The following CDC27 variants were observed in gnomAD, a reference collection of about 807,000 sequenced individuals.
CDC27 encodes cell division cycle protein 27 homolog.
CDC27 carries 27 observed loss-of-function variants against 109.7 expected under a neutral mutation model. The ratio of observed to expected loss-of-function variants is 0.25; its 90% CI spans 0.18 to 0.34. The LOEUF (loss-of-function observed/expected upper bound fraction) is 0.34, where lower values mean the gene tolerates loss of function less well. CDC27 is among the 10% of genes least tolerant of loss of function. The pLI is 1.00. For synonymous variants in CDC27, 266 were observed against 333.9 expected (o/e 0.80, Z 2.22); for missense variants, 579 against 960.2 (o/e 0.60, Z 5.25).
Position 47,141,967 on chromosome 17 carries a change from G to T in CDC27, c.1437C>A (p.Tyr479Ter), listed in dbSNP as rs2062807466. The T allele has an allele frequency of 6.2e-7, 1 of 1,607,512 alleles. No homozygotes were observed. The highest frequency in any genetic ancestry group is 1.1e-5 in the South Asian group (1 of 90,566). Reference protein sequence around the residue: ...MGKGYLALCSYNCKEAINILS... With the variant: ...MGKGYLALCS ...AAATATTTATAGCTTCTTTGCAGTT[G>T]TATGAACACAAAGCTAAATAACCTT... Residue 479 changes from tyrosine to a stop codon, truncating the protein, a stop_gained, in exon 12 of 19, where the codon TAC becomes TAA. Transcript: ENST00000066544. LOFTEE classifies it high-confidence loss of function.
At chr17:47,121,260 G>C (rs888022341) in intron 18 of CDC27, among the ~76,000 whole-genome samples, 4 of 151,626 alleles carry the variant, frequency 2.6e-5, no homozygotes, top group African/African-American at 9.7e-5. Flanking sequence ...TCTTCCTAAT[G>C]AGTTCCTTAT....
At chr17:47,182,718 T>C (rs993606503) in intron 1 of CDC27, among the ~76,000 whole-genome samples, 4 of 152,190 alleles carry the variant, frequency 2.6e-5, no homozygotes, top group African/African-American at 9.6e-5. Flanking sequence ...TTCCATTGTA[T>C]AAACATATCA....
chr17:47,164,097 T>C (rs570307676), intron 4 of CDC27, among the ~76,000 whole-genome samples: 1 of 152,288 alleles, frequency 6.6e-6, no homozygotes, highest in South Asian at 2.1e-4. Flanking sequence ...TTCTACTGTA[T>C]CTTTTCTTTG....
At chr17:47,173,637 C>G (rs1276129793) in intron 2 of CDC27, among the ~76,000 whole-genome samples, 2 of 152,200 alleles carry the variant, frequency 1.3e-5, no homozygotes, top group African/African-American at 2.4e-5. Context: ...TCCACTTTCA[C>G]TGCAATAAAA....
rs1211093000 is a variant in CDC27 at position 47,133,086 on chromosome 17, AAC to A, written c.1914-714_1914-713del. ...ATACACACACACACACACACACACA[AAC>A]ACACACACACAAATATACATATATA... On this transcript the variant is annotated intron_variant, in intron 14 of 18. Transcript: ENST00000066544. Among the ~76,000 whole-genome samples the A allele has an allele frequency of 3.4e-3, 105 of 30,624 alleles. 1 individual carries two copies. Among genetic ancestry groups the A allele is most frequent in the African/African-American group, 8.6e-3 (63 of 7,334 alleles). The allele number at this position is 30,624 out of a possible 152,430, so 20.1% of individuals were successfully genotyped here. A position where few individuals can be genotyped will look rare whatever the true frequency, so the allele number is the denominator to read the frequency against.
At chr17:47,176,745 G>A (rs1298265873) in intron 2 of CDC27, among the ~76,000 whole-genome samples, 1 of 152,118 alleles carries the variant, frequency 6.6e-6, no homozygotes, top group Non-Finnish European at 1.5e-5. Context: ...TGGTATCTTA[G>A]GTTAGATTTG....
At chr17:47,159,919 T>C (rs1598519242) in intron 4 of CDC27, 1 of 388,348 alleles carries the variant, frequency 2.6e-6, no homozygotes, top group Non-Finnish European at 5.0e-6. Flanking sequence ...TGGCCTTGCC[T>C]CCACGAGCTC....
chr17:47,172,676 TATCTATCA>T (rs1265578424), intron 2 of CDC27, among the ~76,000 whole-genome samples: 1 of 152,186 alleles, frequency 6.6e-6, no homozygotes, highest in African/African-American at 2.4e-5. Context: ...AGAGCTGAGT[TATCTATCA>T]ATCTGTCCCT....
chr17:47,139,306 G>A (rs11570536), intron 12 of CDC27, among the ~76,000 whole-genome samples: 179 of 135,600 alleles, frequency 1.3e-3, no homozygotes, highest in Admixed American at 2.2e-3. Context: ...TCACTCTGTC[G>A]CCCAGGCTGG....
chr17:47,165,657 T>A (rs1307968629), intron 4 of CDC27, among the ~76,000 whole-genome samples: 1 of 152,136 alleles, frequency 6.6e-6, no homozygotes, highest in Admixed American at 6.6e-5. Flanking sequence ...AAGCAAAGAG[T>A]TTTAATTTTG....
chr17:47,120,945 T>C lies in CDC27; in HGVS notation c.2465A>G (p.Asp822Gly). Reference protein sequence around the residue: ...DDTQLHAAESDEF With the variant: ...DDTQLHAAESGEF ...TCTGATTTCCAGAAGTTAAAATTCA[T>C]CACTTTCAGCTGCATGAAGTTGTGT... The change falls in exon 19 of 19, where the codon GAT (aspartate) becomes GGT (glycine). Residue 822 changes from aspartate to glycine, a missense_variant. Asp to Gly is a moderately conservative substitution (Grantham distance 94, BLOSUM62 -1). Around this residue, in one of 9 missense-constraint regions of CDC27, gnomAD observed 227 missense variants for 363.6 expected, o/e 0.62. Transcript: ENST00000066544. 2 of 1,611,514 alleles carry C rather than the reference T, an allele frequency of 1.2e-6. No homozygotes were observed. Among genetic ancestry groups the C allele is most frequent in the Non-Finnish European group, 1.7e-6 (2 of 1,178,066 alleles).
At chr17:47,130,064 G>GA (rs1489381022) in intron 15 of CDC27, among the ~76,000 whole-genome samples, 1 of 151,836 alleles carries the variant, frequency 6.6e-6, no homozygotes, top group Non-Finnish European at 1.5e-5. Context: ...GAATTTATTT[G>GA]AAAAATGATT....
Position 47,141,844 on chromosome 17 carries a change from T to C in CDC27, c.1551+9A>G, listed in dbSNP as rs766385016. The stretch of plus-strand genomic sequence containing the variant: ...TAGAAAGGCATATATAACCATTTTC[T>C]ATACTTACTTGCATGTACTCTGAAA... On this transcript the variant is annotated intron_variant, in intron 12 of 18. Transcript: ENST00000066544. 2.6e-6 allele frequency: 4 copies of C among 1,557,038 alleles called. No homozygotes were observed. Among genetic ancestry groups the C allele is most frequent in the Non-Finnish European group, 3.5e-6 (4 of 1,153,522 alleles).
At chr17:47,175,735 G>T (rs1195851497) in intron 2 of CDC27, among the ~76,000 whole-genome samples, 2 of 152,148 alleles carry the variant, frequency 1.3e-5, no homozygotes, top group Admixed American at 6.5e-5. Flanking sequence ...AGAATCGCTT[G>T]AACCTGGGAG....
At chr17:47,155,197 T>G (rs751916971) in intron 7 of CDC27, among the ~76,000 whole-genome samples, 1 of 152,192 alleles carries the variant, frequency 6.6e-6, no homozygotes, top group Non-Finnish European at 1.5e-5. Context: ...CATGCTATTT[T>G]AGTAGTTCCC....
At chr17:47,145,624 C>G (rs756142796) in intron 9 of CDC27, among the ~76,000 whole-genome samples, 2 of 151,996 alleles carry the variant, frequency 1.3e-5, no homozygotes, top group African/African-American at 2.4e-5. Flanking sequence ...ACCATGTGGC[C>G]GGGCATGGTG....
intron 4 of CDC27, chr17:47,162,174 T>C (rs1358602318): frequency 6.6e-6 from 1 of 152,198 alleles, no homozygotes; most frequent in Non-Finnish European, 1.5e-5. Context: ...TCCTTCTTCT[T>C]CTCCTCTGAC....
At chr17:47,186,663 AAAGT>A (rs1271755619) in intron 1 of CDC27, among the ~76,000 whole-genome samples, 1 of 152,238 alleles carries the variant, frequency 6.6e-6, no homozygotes, top group Admixed American at 6.5e-5. Context: ...ACTCAAATAT[AAAGT>A]AATACTCTTC....
chr17:47,125,246 T>C (rs934093853), intron 16 of CDC27, among the ~76,000 whole-genome samples: 111 of 122,168 alleles, frequency 9.1e-4, no homozygotes, highest in Non-Finnish European at 1.7e-3. Context: ...TTTTTTTTTT[T>C]TTTTTTTTTT....
Sources: allele counts gnomAD v4.1 joint callset (sites outside exome capture counted in the v4.1 genomes callset), GRCh38; gene constraint gnomAD v4.1.1; regional missense constraint gnomAD v4.1.1; transcripts MANE v1.5; gene names NCBI Gene and HGNC (gene_info 2026-07-23, HGNC 2026-07-21).